The following RDX variants were observed in gnomAD, a reference collection of about 807,000 sequenced individuals.
RDX encodes the protein radixin.
Under a neutral mutation model 83.7 loss-of-function variants are expected in RDX, and 32 were observed. The observed-to-expected ratio is 0.38, with a 90% CI of 0.29 to 0.51. The LOEUF is 0.51. Ranked by LOEUF, RDX falls within the 20% of genes least tolerant of loss-of-function variation. The probability of loss-of-function intolerance (pLI) is 0.87; values close to 1 mark genes in which losing one functional copy is unlikely to be tolerated. For synonymous variants in RDX, 229 were observed against 222.7 expected (o/e 1.03, Z -0.25); for missense variants, 600 against 689.9 (o/e 0.87, Z 1.46).
intron 8 of RDX, among the ~76,000 whole-genome samples, chr11:110,254,938 C>T (rs1859482264): frequency 2.0e-5 from 3 of 152,034 alleles, no homozygotes; most frequent in South Asian, 2.1e-4. Context: ...ACTGTATAAA[C>T]GAAGTTAATT....
At chr11:110,225,183 T>A (rs986313093), downstream of RDX, among the ~76,000 whole-genome samples, 1 of 152,176 alleles carries the variant, frequency 6.6e-6, no homozygotes, top group African/African-American at 2.4e-5. Flanking sequence ...TTAAAAACTA[T>A]TTTTCCTCTT....
chr11:110,225,798 G>A (rs1159750402), downstream of RDX, among the ~76,000 whole-genome samples: 1 of 151,952 alleles, frequency 6.6e-6, no homozygotes, highest in Admixed American at 6.6e-5. Flanking sequence ...TGTAATCCCA[G>A]CACTTTGGGA....
At chr11:110,235,992 T>C (rs1864831989) in intron 12 of RDX, 107 bp downstream of exon 12, 6 of 818,184 alleles carry the variant, frequency 7.3e-6, no homozygotes, top group Non-Finnish European at 1.3e-5. Context: ...ACGAGTATCT[T>C]TCCCACTCTA....
At chr11:110,237,429 T>C (rs1864901097) in intron 11 of RDX, 63 bp downstream of exon 11, 2 of 1,517,740 alleles carry the variant, frequency 1.3e-6, no homozygotes, top group Non-Finnish European at 1.8e-6. Context: ...CTTTTTTTCT[T>C]TTTTAGAGGG....
chr11:110,181,164 CTTTTTT>C (rs34297768), intron 15 of RDX, among the ~76,000 whole-genome samples: 1 of 142,974 alleles, frequency 7.0e-6, no homozygotes, highest in African/African-American at 2.6e-5. Context: ...AGGGCTGCAT[CTTTTTT>C]TTTTTTTTTG....
At chr11:110,217,998 A>G (rs1035476466) in intron 14 of RDX, among the ~76,000 whole-genome samples, 1 of 152,140 alleles carries the variant, frequency 6.6e-6, no homozygotes, top group Non-Finnish European at 1.5e-5. Context: ...TAATGAATGA[A>G]TAACATTATT....
At chr11:110,260,603 A>T (rs1332743676) in intron 5 of RDX, among the ~76,000 whole-genome samples, 1 of 152,142 alleles carries the variant, frequency 6.6e-6, no homozygotes, top group Non-Finnish European at 1.5e-5. Context: ...CACCATGCCC[A>T]GCCATCTTCT....
intron 9 of RDX, among the ~76,000 whole-genome samples, chr11:110,250,555 C>G (rs1319779875): frequency 6.6e-6 from 1 of 152,126 alleles, no homozygotes; most frequent in East Asian, 1.9e-4. Flanking sequence ...GCATATATGG[C>G]CCTTTCTGCA....
intron 1 of RDX, among the ~76,000 whole-genome samples, chr11:110,284,678 A>AGT (rs1860908993): frequency 6.6e-6 from 1 of 151,644 alleles, no homozygotes; most frequent in Admixed American, 6.6e-5. Flanking sequence ...CTGCCACCAC[A>AGT]CCCGGCTAAT....
At chr11:110,219,313 G>A (rs925915243) in intron 14 of RDX, among the ~76,000 whole-genome samples, 8 of 152,188 alleles carry the variant, frequency 5.3e-5, no homozygotes, top group Admixed American at 4.6e-4. Context: ...ATCAGCAGAG[G>A]AGGCCCAAGA....
chr11:110,186,827 A>T (rs765720588), intron 15 of RDX, among the ~76,000 whole-genome samples: 1 of 152,212 alleles, frequency 6.6e-6, no homozygotes, highest in Non-Finnish European at 1.5e-5. Flanking sequence ...GCCACTTTTA[A>T]TCCAGGCTCA....
At chr11:110,180,720 G>A (rs931170584) in intron 15 of RDX, among the ~76,000 whole-genome samples, 21 of 151,056 alleles carry the variant, frequency 1.4e-4, no homozygotes, top group Non-Finnish European at 2.1e-4. Flanking sequence ...GTGCGATCTC[G>A]GCTAACTGCA....
intron 15 of RDX, chr11:110,175,379 G>C (rs1335234257): frequency 6.6e-6 from 1 of 152,258 alleles, no homozygotes; most frequent in African/African-American, 2.4e-5. Context: ...TGCTGAAGCA[G>C]CTGCCACTGG....
At chr11:110,245,157 G>C (rs1036039080) in intron 10 of RDX, among the ~76,000 whole-genome samples, 1 of 152,058 alleles carries the variant, frequency 6.6e-6, no homozygotes, top group African/African-American at 2.4e-5. Context: ...CCACCGTGTT[G>C]GCCAGGCTGG....
chr11:110,233,369 T>C lies in RDX; in HGVS notation c.1455A>G (p.Glu485=), dbSNP rs776285699. 4.4e-5 allele frequency: 71 copies of C among 1,614,072 alleles called. No individual in the cohort carries two copies. The highest frequency in any genetic ancestry group is 5.8e-5 in the Non-Finnish European group (68 of 1,180,046). Residue 485 remains glutamate (E), a synonymous_variant, in exon 13 of 14, where the codon GAA becomes GAG. Transcript: ENST00000645495. ...PPPVIPPTEN[E]HDEHDENNAE... is the part of the protein sequence containing the mutation. ...CATTATTCTCATCGTGTTCATCATG[T>C]TCGTTTTCTGTTGGAGGAATGACTG... is the stretch of plus-strand genomic sequence containing the variant.
chr11:110,258,135 G>A lies in RDX; in HGVS notation c.522C>T (p.Asn174=). ...TKEQWEERIQ[N]WHEEHRGMLR... ...ACATTCCTCTATGTTCTTCATGCCA[G>A]TTCTGTATTCTTTCTTCCCACTGTT... is the stretch of plus-strand genomic sequence containing the variant. Residue 174 remains asparagine, a synonymous_variant, in exon 6 of 14, where the codon AAC becomes AAT. Transcript: ENST00000645495. The A allele has an allele frequency of 4.3e-6, 7 of 1,610,538 alleles. No individual in the cohort carries two copies. The highest frequency in any genetic ancestry group is 5.9e-6 in the Non-Finnish European group (7 of 1,178,364).
intron 1 of RDX, among the ~76,000 whole-genome samples, chr11:110,284,419 T>C (rs1033663927): frequency 1.3e-5 from 2 of 152,328 alleles, no homozygotes; most frequent in East Asian, 1.9e-4. Flanking sequence ...TATTTGTTTT[T>C]TGGTATTATT....
chr11:110,259,095 T>A (rs113284798), intron 5 of RDX, among the ~76,000 whole-genome samples: 3,430 of 152,222 alleles, frequency 0.023, 48 homozygotes, highest in Non-Finnish European at 0.037. Context: ...TTTTTCTTTT[T>A]TGTGTGTTTT....
At chr11:110,260,361 T>C (rs1192988389) in intron 5 of RDX, among the ~76,000 whole-genome samples, 1 of 152,212 alleles carries the variant, frequency 6.6e-6, no homozygotes, top group Non-Finnish European at 1.5e-5. Context: ...ATTTGACCTC[T>C]TGGTACCATT....
Sources: allele counts gnomAD v4.1 joint callset (sites outside exome capture counted in the v4.1 genomes callset), GRCh38; gene constraint gnomAD v4.1.1; transcripts MANE v1.5; gene names NCBI Gene and HGNC (gene_info 2026-07-23, HGNC 2026-07-21).